METTL24: variants seen among roughly 807,000 people sequenced by gnomAD.
The protein encoded by METTL24 is probable methyltransferase-like protein 24.
Under a neutral mutation model 32.7 loss-of-function variants are expected in METTL24, and 29 were observed. That is an observed-to-expected ratio of 0.89 (90% CI 0.66 to 1.21). METTL24 has a LOEUF of 1.21. METTL24 is among the 50% of genes most tolerant of loss of function. The pLI is 0.00. For synonymous variants in METTL24, 163 were observed against 179.5 expected (o/e 0.91, Z 0.73); for missense variants, 439 against 468.1 (o/e 0.94, Z 0.57).
At chr6:110,249,745 T>C (rs1350775983) in intron 4 of METTL24, among the ~76,000 whole-genome samples, 2 of 151,918 alleles carry the variant, frequency 1.3e-5, no homozygotes, top group Non-Finnish European at 2.9e-5. Flanking sequence ...CAAGTGCCGA[T>C]CCTAATACAG....
intron 1 of METTL24, among the ~76,000 whole-genome samples, chr6:110,326,118 G>C (rs1478193906): frequency 6.6e-6 from 1 of 152,144 alleles, no homozygotes; most frequent in African/African-American, 2.4e-5. Context: ...TCTTCCCAAA[G>C]CAAGCCATAA....
At chr6:110,335,597 GA>G (rs1772210253) in intron 1 of METTL24, among the ~76,000 whole-genome samples, 1 of 63,522 alleles carries the variant, frequency 1.6e-5, no homozygotes, top group Non-Finnish European at 3.0e-5. Context: ...TTTTTTTTAT[GA>G]AAAAAATGTT....
chr6:110,252,079 G>A (rs180719771), intron 4 of METTL24, among the ~76,000 whole-genome samples: 280 of 152,272 alleles, frequency 1.8e-3, no homozygotes, highest in African/African-American at 6.2e-3. Context: ...GGGGGGCAGA[G>A]GTTGCAGTGA....
intron 4 of METTL24, among the ~76,000 whole-genome samples, chr6:110,260,306 T>C (rs1459215282): frequency 6.6e-6 from 1 of 152,210 alleles, no homozygotes; most frequent in South Asian, 2.1e-4. Flanking sequence ...GCACGAGAAC[T>C]ACGTGATGAA....
intron 4 of METTL24, among the ~76,000 whole-genome samples, chr6:110,288,610 T>C (rs1298125550): frequency 2.6e-5 from 4 of 151,896 alleles, no homozygotes; most frequent in Non-Finnish European, 5.9e-5. Context: ...CTTTCCCCCA[T>C]GCCAAACACA....
intron 4 of METTL24, among the ~76,000 whole-genome samples, chr6:110,280,108 A>G (rs928758613): frequency 3.9e-5 from 6 of 152,164 alleles, no homozygotes; most frequent in African/African-American, 1.2e-4. Flanking sequence ...TAAATATTAC[A>G]TGAGAAACCC....
intron 1 of METTL24, among the ~76,000 whole-genome samples, chr6:110,352,902 C>G (rs896980549): frequency 1.4e-4 from 21 of 152,214 alleles, no homozygotes; most frequent in African/African-American, 5.1e-4. Flanking sequence ...AAAAGGAAAT[C>G]CAATTCTATT....
At chr6:110,256,961 C>T (rs1207221927) in intron 4 of METTL24, among the ~76,000 whole-genome samples, 2 of 152,184 alleles carry the variant, frequency 1.3e-5, no homozygotes, top group Non-Finnish European at 2.9e-5. Context: ...CCCCCTCTGA[C>T]AGCATACAGG....
At chr6:110,258,331 G>A (rs1452818316) in intron 4 of METTL24, among the ~76,000 whole-genome samples, 3 of 152,204 alleles carry the variant, frequency 2.0e-5, no homozygotes, top group Non-Finnish European at 2.9e-5. Context: ...ATCTATATAA[G>A]TACATTAGCA....
intron 4 of METTL24, among the ~76,000 whole-genome samples, chr6:110,256,453 T>C (rs946773925): frequency 4.6e-5 from 7 of 152,194 alleles, no homozygotes; most frequent in Admixed American, 4.6e-4. Context: ...ATGGTCACTC[T>C]TGTGTTGATC....
chr6:110,273,798 T>A (rs1399357635), intron 4 of METTL24, among the ~76,000 whole-genome samples: 1 of 152,208 alleles, frequency 6.6e-6, no homozygotes, highest in African/African-American at 2.4e-5. Flanking sequence ...GTACAACCAC[T>A]ATGGAAAACA....
intron 1 of METTL24, among the ~76,000 whole-genome samples, chr6:110,356,508 C>T (rs188361524): frequency 2.6e-4 from 40 of 152,138 alleles, no homozygotes; most frequent in African/African-American, 8.4e-4. Flanking sequence ...CACATTGTAA[C>T]TCAAATATGT....
chr6:110,249,104 A>G (rs535012644), intron 4 of METTL24, among the ~76,000 whole-genome samples: 1 of 152,130 alleles, frequency 6.6e-6, no homozygotes, highest in South Asian at 2.1e-4. Flanking sequence ...TTAAAAAGAC[A>G]GAGTAAAGTT....
rs571850275 is a variant in METTL24 at position 110,334,297 on chromosome 6, C to T, written c.319-11425G>A. Among the ~76,000 whole-genome samples, 65 of 152,202 alleles carry T rather than the reference C, an allele frequency of 4.3e-4. 1 individual carries two copies. The South Asian group carries it at 7.9e-3, about 18-fold the overall frequency. Reference sequence around the variant, plus strand: ...TTTAAACCAGAAGTCATTTTTATCACGGAAAAGAATTAAAATGCCTCACCT... The same window carrying T: ...TTTAAACCAGAAGTCATTTTTATCATGGAAAAGAATTAAAATGCCTCACCT... On this transcript the variant is annotated intron_variant, in intron 1 of 4. Transcript: ENST00000338882.
At chr6:110,264,000 C>G (rs1334448728) in intron 4 of METTL24, among the ~76,000 whole-genome samples, 8 of 152,170 alleles carry the variant, frequency 5.3e-5, no homozygotes, top group Non-Finnish European at 8.8e-5. Flanking sequence ...AAAGGTTAGA[C>G]CTAAAACCAT....
intron 1 of METTL24, among the ~76,000 whole-genome samples, chr6:110,333,976 T>C (rs1470464863): frequency 6.6e-6 from 1 of 151,954 alleles, no homozygotes; most frequent in Admixed American, 6.6e-5. Context: ...TTAATAAGAG[T>C]AACTTAGAAG....
At chr6:110,324,690 G>A (rs955594286) in intron 1 of METTL24, among the ~76,000 whole-genome samples, 3 of 152,200 alleles carry the variant, frequency 2.0e-5, no homozygotes, top group South Asian at 2.1e-4. Flanking sequence ...TTCTGTGCAG[G>A]CTGAGCAGGC....
At position 110,245,194 on chromosome 6, in the gene METTL24, C is replaced by T. The variant is rs189709781; in HGVS notation, c.*752G>A. Among the ~76,000 whole-genome samples the T allele has an allele frequency of 3.3e-5, 5 of 152,308 alleles. No individual in the cohort carries two copies. The East Asian group carries it at 9.7e-4, about 29-fold the overall frequency. ...TCTTCACCTCAGTGTAAGTGGACCT[C>T]ATTCAACCAGTTGAAGGCCTGAATA... On this transcript the variant is annotated 3_prime_UTR_variant, in exon 5 of 5. Transcript: ENST00000338882.
intron 4 of METTL24, among the ~76,000 whole-genome samples, chr6:110,291,799 G>A (rs970972549): frequency 1.3e-5 from 2 of 152,068 alleles, no homozygotes; most frequent in African/African-American, 4.8e-5. Flanking sequence ...GCAGTATTTG[G>A]TTTTCTGTTC....
Sources: allele counts gnomAD v4.1 joint callset (sites outside exome capture counted in the v4.1 genomes callset), GRCh38; gene constraint gnomAD v4.1.1; transcripts MANE v1.5; gene names NCBI Gene and HGNC (gene_info 2026-07-23, HGNC 2026-07-21).